Variants in KIRREL3 observed in about 807,000 individuals in gnomAD.
The protein encoded by KIRREL3 is kin of IRRE-like protein 3.
Under a neutral mutation model 89.7 loss-of-function variants are expected in KIRREL3, and 36 were observed. The observed-to-expected ratio is 0.40, with a 90% CI of 0.31 to 0.53. The LOEUF (loss-of-function observed/expected upper bound fraction) is 0.53, where lower values mean the gene tolerates loss of function less well. Among genes scored for constraint, KIRREL3 ranks in the 20% least tolerant of loss-of-function variants. KIRREL3 has a pLI of 0.49. For missense variants in KIRREL3, 864 were observed against 1,056.6 expected (o/e 0.82, Z 2.53); for synonymous variants, 445 against 441.4 (o/e 1.01, Z -0.10).
rs61897881 is a variant in KIRREL3, at chr11:126,705,717, T to C, written c.56-142805A>G. ...TATGTGTATGTGCATAAATGGAAAA[T>C]GCACTGTGGTAAATTACAGATGGCT... On this transcript the variant is annotated intron_variant, in intron 1 of 16. Coordinates refer to ENST00000525144, the MANE Select transcript of KIRREL3 (RefSeq NM_032531.4). The surrounding 1 kb of genome is among the most constrained non-coding windows in gnomAD (Gnocchi z 4.3). Among the ~76,000 whole-genome samples, 8,830 of 152,252 alleles carry C rather than the reference T, an allele frequency of 0.058. 326 individuals are homozygous for C. The highest frequency in any genetic ancestry group is 0.077 in the Non-Finnish European group (5,252 of 68,012).
At position 126,750,571 on chromosome 11, in the gene KIRREL3, G is replaced by A. The variant is rs1168853835; in HGVS notation, c.56-187659C>T. Reference sequence around the variant, plus strand: ...TGGGCCAGGGTCACTAGCCTGAGCTGTGGCTAGTGGTAAAGCTTCTACAGA... The same window carrying A: ...TGGGCCAGGGTCACTAGCCTGAGCTATGGCTAGTGGTAAAGCTTCTACAGA... On this transcript the variant is annotated intron_variant, in intron 1 of 16. Transcript: ENST00000525144. The surrounding 1 kb of genome is among the most constrained non-coding windows in gnomAD (Gnocchi z 4.2). Among the ~76,000 whole-genome samples the A allele has an allele frequency of 6.6e-6, 1 of 152,246 alleles. No individual in the cohort carries two copies. The highest frequency in any genetic ancestry group is 1.5e-5 in the Non-Finnish European group (1 of 68,046).
At chr11:126,971,210 T>C (rs1269105208) in intron 1 of KIRREL3, among the ~76,000 whole-genome samples, 1 of 152,130 alleles carries the variant, frequency 6.6e-6, no homozygotes, top group Non-Finnish European at 1.5e-5. Context: ...AAAAGGGTAA[T>C]GTTTGGGAGG....
rs190275441 is a variant in KIRREL3, at chr11:126,692,694, T to C, written c.56-129782A>G. ...GGAAAACCTTCCATATGCTACAACATAGATGAACCTTGAAGACATTACGCT... is the reference window on the plus strand; with the variant it reads ...GGAAAACCTTCCATATGCTACAACACAGATGAACCTTGAAGACATTACGCT... On this transcript the variant is annotated intron_variant, in intron 1 of 16. Transcript: ENST00000525144. Among the ~76,000 whole-genome samples the C allele has an allele frequency of 4.2e-3, 644 of 151,888 alleles. 3 individuals are homozygous for C. The highest frequency in any genetic ancestry group is 7.0e-3 in the Non-Finnish European group (479 of 67,992).
In KIRREL3 at chr11:126,843,930, T is replaced by A. The variant is rs557500012; in HGVS notation, c.55+156525A>T. 6.6e-6 allele frequency among the ~76,000 whole-genome samples: 1 copy of A among 152,216 alleles called. No individual in the cohort carries two copies. Among genetic ancestry groups the A allele is most frequent in the African/African-American group, 2.4e-5 (1 of 41,468 alleles). ...GCATGAATAATCCCCTTGTTTAGCA[T>A]ATTGTCAAGAAATAATCATAAAAAT... On this transcript the variant is annotated intron_variant, in intron 1 of 16. Coordinates refer to ENST00000525144, the MANE Select transcript of KIRREL3 (RefSeq NM_032531.4). The surrounding 1 kb of genome is among the most constrained non-coding windows in gnomAD (Gnocchi z 4.6).
chr11:126,620,483 T>C lies in KIRREL3; in HGVS notation c.56-57571A>G, dbSNP rs1177246738. 6.6e-6 allele frequency among the ~76,000 whole-genome samples: 1 copy of C among 152,196 alleles called. No homozygotes were observed. The highest frequency in any genetic ancestry group is 2.4e-5 in the African/African-American group (1 of 41,456). On this transcript the variant is annotated intron_variant, in intron 1 of 16. Transcript: ENST00000525144. The surrounding 1 kb of genome is among the most constrained non-coding windows in gnomAD (Gnocchi z 4.8). ...TTCTTAATGTGAGGCTCTAGGTCCATGAAAGGGCCCACATACACCACACAC... is the reference window on the plus strand; with the variant it reads ...TTCTTAATGTGAGGCTCTAGGTCCACGAAAGGGCCCACATACACCACACAC...
chr11:126,935,322 A>G (rs1266103746), intron 1 of KIRREL3: 1 of 151,614 alleles, frequency 6.6e-6, no homozygotes. Context: ...AAAAAAAAAA[A>G]AAAAAGAAAA....
rs1218725588 is a variant in KIRREL3, at chr11:126,485,585, G to A, written c.434-12119C>T. On this transcript the variant is annotated intron_variant, in intron 4 of 16. Coordinates refer to ENST00000525144, the MANE Select transcript of KIRREL3 (RefSeq NM_032531.4). The surrounding 1 kb of genome is among the most constrained non-coding windows in gnomAD (Gnocchi z 5.8). ...TGAGTTCATGTAAGAGTTATGCAGTGTCTTGTCCCAGAGCTTGGCACTGTA... is the reference window on the plus strand; with the variant it reads ...TGAGTTCATGTAAGAGTTATGCAGTATCTTGTCCCAGAGCTTGGCACTGTA... Among the ~76,000 whole-genome samples, 1 of 152,252 alleles carries A rather than the reference G, an allele frequency of 6.6e-6. No homozygotes were observed. Among genetic ancestry groups the A allele is most frequent in the Admixed American group, 6.5e-5 (1 of 15,292 alleles).
At chr11:126,762,008 A>G (rs945611162) in intron 1 of KIRREL3, among the ~76,000 whole-genome samples, 1 of 152,000 alleles carries the variant, frequency 6.6e-6, no homozygotes, top group East Asian at 1.9e-4. Context: ...GTGAAACCCT[A>G]TCTCTACTAA....
rs1280250695 is a variant in KIRREL3, at chr11:126,724,523, C to G, written c.56-161611G>C. On this transcript the variant is annotated intron_variant, in intron 1 of 16. Transcript: ENST00000525144. This position sits in a 1 kb window ranked among gnomAD's most constrained non-coding sequence, Gnocchi z 4.3. Reference sequence around the variant, plus strand: ...CAGGCAGGATCTGGGAGGGACTGCCCTTGAGATGGGTGGGCTCCATGAATT... The same window carrying G: ...CAGGCAGGATCTGGGAGGGACTGCCGTTGAGATGGGTGGGCTCCATGAATT... 6.6e-6 allele frequency among the ~76,000 whole-genome samples: 1 copy of G among 152,180 alleles called. No homozygotes were observed. Among genetic ancestry groups the G allele is most frequent in the East Asian group, 1.9e-4 (1 of 5,178 alleles).
In KIRREL3 at chr11:126,521,196, C is replaced by G; in HGVS notation, c.433+119G>C. ...ATTGTGGAAGCAGCAGTGTCTGGAG[C>G]CCTGTGGGATGATCCCCAGAGGGGA... On this transcript the variant is annotated intron_variant, in intron 4 of 16. Transcript: ENST00000525144. The surrounding 1 kb of genome is among the most constrained non-coding windows in gnomAD (Gnocchi z 4.1). 9.2e-7 allele frequency: 1 copy of G among 1,081,564 alleles called. No homozygotes were observed. The highest frequency in any genetic ancestry group is 1.2e-6 in the Non-Finnish European group (1 of 800,634). 67.0% of individuals were successfully genotyped at this position (1,081,564 alleles called of 1,614,324 possible). A position where few individuals can be genotyped will look rare whatever the true frequency, so the allele number is the denominator to read the frequency against.
chr11:126,457,431 G>A (rs534366034), intron 6 of KIRREL3, among the ~76,000 whole-genome samples: 12 of 151,832 alleles, frequency 7.9e-5, no homozygotes, highest in South Asian at 2.1e-4. Context: ...GTGTCTATGC[G>A]TGTGTGTATG....
At chr11:126,936,671 T>G (rs910362238) in intron 1 of KIRREL3, 5 of 151,976 alleles carry the variant, frequency 3.3e-5, no homozygotes, top group Non-Finnish European at 7.4e-5. Context: ...CCACAAATTG[T>G]AAAATTCCAT....
At position 126,578,659 on chromosome 11, in the gene KIRREL3, C is replaced by T. The variant is rs901049616; in HGVS notation, c.56-15747G>A. 4.6e-5 allele frequency among the ~76,000 whole-genome samples: 7 copies of T among 152,072 alleles called. No individual in the cohort carries two copies. The highest frequency in any genetic ancestry group is 1.2e-4 in the African/African-American group (5 of 41,394). On this transcript the variant is annotated intron_variant, in intron 1 of 16. Transcript: ENST00000525144. This position sits in a 1 kb window ranked among gnomAD's most constrained non-coding sequence, Gnocchi z 4.9. ...GGTCCTGGGGGAGGGACTCAGAATC[C>T]GCCTCACACCCATGGAGAGTTCTCG...
In KIRREL3 at chr11:126,715,942, T is replaced by C. The variant is rs1359296104; in HGVS notation, c.56-153030A>G. ...CTCTCTGACTTAGCACAGGATGCAATTTATCTTCAGAGAGTACCCTCCATA... is the reference window on the plus strand; with the variant it reads ...CTCTCTGACTTAGCACAGGATGCAACTTATCTTCAGAGAGTACCCTCCATA... On this transcript the variant is annotated intron_variant, in intron 1 of 16. Coordinates refer to ENST00000525144, the MANE Select transcript of KIRREL3 (RefSeq NM_032531.4). This position sits in a 1 kb window ranked among gnomAD's most constrained non-coding sequence, Gnocchi z 4.4. 1.3e-5 allele frequency among the ~76,000 whole-genome samples: 2 copies of C among 152,122 alleles called. No homozygotes were observed. Among genetic ancestry groups the C allele is most frequent in the African/African-American group, 4.8e-5 (2 of 41,408 alleles).
At chr11:126,979,228 A>G (rs547654402) in intron 1 of KIRREL3, among the ~76,000 whole-genome samples, 1 of 152,348 alleles carries the variant, frequency 6.6e-6, no homozygotes, top group Admixed American at 6.5e-5. Flanking sequence ...GGGAGAGAGA[A>G]ATGAATAGAA....
chr11:126,457,617 T>C (rs1328002033), intron 6 of KIRREL3, among the ~76,000 whole-genome samples: 4 of 150,872 alleles, frequency 2.7e-5, no homozygotes, highest in Non-Finnish European at 4.4e-5. Context: ...CACATAGAAA[T>C]TGAGAAGTGC....
At chr11:126,448,251 C>T (rs1253786826) in intron 8 of KIRREL3, among the ~76,000 whole-genome samples, 2 of 139,434 alleles carry the variant, frequency 1.4e-5, no homozygotes, top group African/African-American at 5.5e-5. Context: ...CCACTGCATT[C>T]CAGCCTGGTG....
chr11:126,649,837 A>G (rs748458959), intron 1 of KIRREL3, among the ~76,000 whole-genome samples: 7 of 152,240 alleles, frequency 4.6e-5, no homozygotes, highest in Non-Finnish European at 8.8e-5. Flanking sequence ...GGGACTCTGT[A>G]TGAGGGCTCT....
chr11:126,781,676 C>T (rs953662790), intron 1 of KIRREL3, among the ~76,000 whole-genome samples: 2 of 152,096 alleles, frequency 1.3e-5, no homozygotes. Flanking sequence ...TGGAAGGTGC[C>T]CTTGAATGGT....
Sources: allele counts gnomAD v4.1 joint callset (sites outside exome capture counted in the v4.1 genomes callset), GRCh38; gene constraint gnomAD v4.1.1; non-coding constraint Gnocchi (gnomAD v3.1); transcripts MANE v1.5; gene names NCBI Gene and HGNC (gene_info 2026-07-23, HGNC 2026-07-21).